ZC3H11A: variants seen among roughly 807,000 people sequenced by gnomAD.
ZC3H11A encodes zinc finger CCCH-type containing 11A.
Under a neutral mutation model 90.8 loss-of-function variants are expected in ZC3H11A, and 22 were observed. That is an observed-to-expected ratio of 0.24 (90% CI 0.17 to 0.35). The LOEUF (loss-of-function observed/expected upper bound fraction) is 0.35, where lower values mean the gene tolerates loss of function less well. ZC3H11A is among the 10% of genes least tolerant of loss of function. ZC3H11A has a pLI of 1.00. For synonymous variants in ZC3H11A, 294 were observed against 339.8 expected, an observed-to-expected ratio of 0.87 and a Z score of 1.48; for missense variants, 701 against 964.9, an observed-to-expected ratio of 0.73 and a Z score of 3.62.
At chr1:203,799,188 CT>C in intron 1 of ZC3H11A, 1 of 1,229,180 alleles carries the variant, frequency 8.1e-7, no homozygotes, top group Non-Finnish European at 1.2e-6. Flanking sequence ...TCCAAATTTC[CT>C]TATCCCTAGC....
chr1:203,810,553 G>T (rs1393387084), intron 2 of ZC3H11A, among the ~76,000 whole-genome samples: 1 of 151,466 alleles, frequency 6.6e-6, no homozygotes, highest in African/African-American at 2.4e-5. Context: ...CAGAGTAGCT[G>T]GGACCACAGG....
chr1:203,840,199 A>G (rs1685664487), intron 11 of ZC3H11A, 107 bp from the exon 12 acceptor site: 1 of 1,111,350 alleles, frequency 9.0e-7, no homozygotes, highest in African/African-American at 1.6e-5. Flanking sequence ...TTGGCCTCCC[A>G]AAGTTCTGGG....
chr1:203,820,621 G>T (rs1435393797), intron 4 of ZC3H11A, among the ~76,000 whole-genome samples: 1 of 151,908 alleles, frequency 6.6e-6, no homozygotes, highest in Non-Finnish European at 1.5e-5. Flanking sequence ...GGGACAACGG[G>T]CATGCCTCAC....
At chr1:203,834,063 C>T (rs1683394927) in intron 10 of ZC3H11A, 2 of 1,225,826 alleles carry the variant, frequency 1.6e-6, no homozygotes, top group South Asian at 7.0e-5. Flanking sequence ...TAGATTATGA[C>T]CATGACCAGC....
At chr1:203,852,102 T>A in intron 17 of ZC3H11A, 39 bp from the exon 18 acceptor site, 2 of 1,611,288 alleles carry the variant, frequency 1.2e-6, no homozygotes, top group Non-Finnish European at 1.7e-6. Context: ...CAACTATTTT[T>A]AAAACGGCAG....
At position 203,847,557 on chromosome 1, in the gene ZC3H11A, G is replaced by C; in HGVS notation, c.1416G>C (p.Lys472Asn). The change falls in exon 13 of 18, where the codon AAG becomes AAC. Residue 472 changes from lysine (K) to asparagine (N), a missense_variant. This residue lies in a region of ZC3H11A where 530 missense variants were observed against 696.2 expected (regional missense o/e 0.76). Coordinates refer to ENST00000367210, the MANE Select transcript of ZC3H11A (RefSeq NM_001376342.1). ...KTKSMQEVHI[K>N]TLEEIKLEKA... The stretch of plus-strand genomic sequence containing the variant: ...AGTCTATGCAGGAGGTGCACATCAA[G>C]ACGCTGGAAGAAATTAAACTGGAGA... The C allele has an allele frequency of 6.2e-7, 1 of 1,613,948 alleles. No homozygotes were observed. The highest frequency in any genetic ancestry group is 8.5e-7 in the Non-Finnish European group (1 of 1,179,882).
intron 2 of ZC3H11A, among the ~76,000 whole-genome samples, chr1:203,812,680 C>G (rs951528813): frequency 6.9e-6 from 1 of 144,740 alleles, no homozygotes; most frequent in Non-Finnish European, 1.5e-5. Context: ...CTCCTAGGTT[C>G]AAACGATTCT....
In ZC3H11A at chr1:203,852,418, T is replaced by G; in HGVS notation, c.*19T>G. 1 of 1,605,206 alleles carries G rather than the reference T, an allele frequency of 6.2e-7. No homozygotes were observed. Among genetic ancestry groups the G allele is most frequent in the South Asian group, 1.1e-5 (1 of 89,294 alleles). On this transcript the variant is annotated 3_prime_UTR_variant, in exon 18 of 18. Transcript: ENST00000367210. ...TAGCTGAAGGTGGTAGTGAGGACAC[T>G]TTAAAAAAAAAATCGCCAAAAAACT...
At chr1:203,816,049 A>G (rs1212930397) in intron 2 of ZC3H11A, among the ~76,000 whole-genome samples, 1 of 152,224 alleles carries the variant, frequency 6.6e-6, no homozygotes, top group African/African-American at 2.4e-5. Flanking sequence ...AACGTAAGCT[A>G]GATCGATAGA....
intron 4 of ZC3H11A, among the ~76,000 whole-genome samples, chr1:203,819,300 C>T (rs1380667589): frequency 6.7e-6 from 1 of 150,154 alleles, no homozygotes; most frequent in African/African-American, 2.4e-5. Flanking sequence ...CTGCTTACTG[C>T]AACCTCCACC....
chr1:203,842,504 A>G (rs1314923501), intron 12 of ZC3H11A, among the ~76,000 whole-genome samples: 2 of 150,298 alleles, frequency 1.3e-5, no homozygotes, highest in Non-Finnish European at 3.0e-5. Context: ...AGGCTGAGGC[A>G]GGAGAATCAG....
At chr1:203,852,048 C>G (rs2103483646) in intron 17 of ZC3H11A, 93 bp from the exon 18 acceptor site, 1 of 1,173,292 alleles carries the variant, frequency 8.5e-7, no homozygotes, top group African/African-American at 1.8e-5. Flanking sequence ...TTCTTAAAAA[C>G]AAATTTTTGC....
chr1:203,819,198 T>G (rs1372856380), intron 4 of ZC3H11A, among the ~76,000 whole-genome samples: 2 of 150,864 alleles, frequency 1.3e-5, no homozygotes, highest in Non-Finnish European at 3.0e-5. Flanking sequence ...ACAACTTTCC[T>G]CTATGCAATT....
At chr1:203,833,473 A>G (rs766060755) in intron 9 of ZC3H11A, among the ~76,000 whole-genome samples, 5 of 151,724 alleles carry the variant, frequency 3.3e-5, no homozygotes, top group African/African-American at 9.7e-5. Flanking sequence ...GGAAGTTGCA[A>G]TGAGCCAAGA....
At position 203,824,138 on chromosome 1, in the gene ZC3H11A, C is replaced by T. The variant is rs185473617; in HGVS notation, c.175-4161C>T. On this transcript the variant is annotated intron_variant, in intron 4 of 17. Transcript: ENST00000367210. ...CAAAAATTAGTCGGGCGTGGTGACG[C>T]AGCCATGTAGTCCCAGCTACTCAGG... 8.8e-4 allele frequency among the ~76,000 whole-genome samples: 134 copies of T among 152,058 alleles called. 1 individual carries two copies. The highest frequency in any genetic ancestry group is 1.8e-3 in the Admixed American group (27 of 15,266).
At chr1:203,820,468 A>ATGTGTGTGTGTGTG (rs71145033) in intron 4 of ZC3H11A, among the ~76,000 whole-genome samples, 2 of 150,384 alleles carry the variant, frequency 1.3e-5, no homozygotes, top group African/African-American at 4.9e-5. Context: ...ATCACAAATT[A>ATGTGTGTGTGTGTG]TGTGTGTGTG....
At chr1:203,815,211 C>CTTTCTTTTTTTTTTT (rs779729339) in intron 2 of ZC3H11A, among the ~76,000 whole-genome samples, 22 of 59,408 alleles carry the variant, frequency 3.7e-4, no homozygotes, top group African/African-American at 7.6e-4. Context: ...TCTTCCTTTT[C>CTTTCTTTTTTTTTTT]TTTTCTTTTT....
chr1:203,805,954 A>C (rs1291012196), intron 2 of ZC3H11A: 7 of 624,018 alleles, frequency 1.1e-5, no homozygotes, highest in African/African-American at 9.1e-5. Context: ...CATAGCATCA[A>C]CCGTGGTCTT....
chr1:203,817,319 A>G (rs1676688314), intron 3 of ZC3H11A, among the ~76,000 whole-genome samples, 195 bp downstream of exon 3: 1 of 152,106 alleles, frequency 6.6e-6, no homozygotes, highest in Non-Finnish European at 1.5e-5. Context: ...ATATATAACT[A>G]ATTTTCCCAT....
Sources: gnomAD v4.1 joint callset for allele counts (sites outside exome capture counted in the v4.1 genomes callset) on GRCh38, gnomAD v4.1.1 for gene constraint, gnomAD v4.1.1 regional missense constraint, MANE v1.5 for transcripts, NCBI Gene and HGNC (gene_info 2026-07-23, HGNC 2026-07-21) for gene names.